Variants in PPARGC1B observed in about 807,000 individuals in gnomAD.
The protein encoded by PPARGC1B is peroxisome proliferator-activated receptor gamma coactivator 1-beta.
Under a neutral mutation model 101.6 loss-of-function variants are expected in PPARGC1B, and 34 were observed. That is an observed-to-expected ratio of 0.33 (90% CI 0.25 to 0.45). The LOEUF is 0.45. Among genes scored for constraint, PPARGC1B ranks in the 20% least tolerant of loss-of-function variants. PPARGC1B has a pLI of 1.00. For missense variants in PPARGC1B, 1,234 were observed against 1,317.6 expected, an observed-to-expected ratio of 0.94 and a Z score of 0.98; for synonymous variants, 548 against 539.3, an observed-to-expected ratio of 1.02 and a Z score of -0.22.
chr5:149,750,206 A>G (rs1159451805), intron 1 of PPARGC1B, among the ~76,000 whole-genome samples: 3 of 151,478 alleles, frequency 2.0e-5, no homozygotes, highest in Non-Finnish European at 1.5e-5. Flanking sequence ...CTGATTTCCA[A>G]CCTCCCCAGT....
At chr5:149,811,493 C>T (rs1757864528) in intron 1 of PPARGC1B, among the ~76,000 whole-genome samples, 1 of 152,186 alleles carries the variant, frequency 6.6e-6, no homozygotes, top group Non-Finnish European at 1.5e-5. Context: ...TGTAATTACA[C>T]TATCGAGTGG....
rs1758872658 is a variant in PPARGC1B at position 149,833,111 on chromosome 5, T to C, written c.1038T>C (p.Leu346=). The C allele has an allele frequency of 6.2e-7, 1 of 1,613,744 alleles. No individual in the cohort carries two copies. The highest frequency in any genetic ancestry group is 1.1e-5 in the South Asian group (1 of 91,092). The change falls in exon 5 of 12, where the codon CTT becomes CTC. Residue 346 remains leucine, a synonymous_variant. Coordinates refer to ENST00000309241, the MANE Select transcript of PPARGC1B (RefSeq NM_133263.4). The surrounding 1 kb of genome is among the most constrained non-coding windows in gnomAD (Gnocchi z 4.1). ...SWAEFSILRE[L]LAQDVLCDVS... ...CTGAGTTCTCCATTCTGAGGGAACT[T>C]CTGGCTCAAGACGTGCTCTGTGATG...
At position 149,854,223 on chromosome 5, in the gene PPARGC1B, G is replaced by A. The variant is rs991757950; in HGVS notation, c.*6665G>A. On this transcript the variant is annotated 3_prime_UTR_variant, in exon 12 of 12. Coordinates refer to ENST00000309241, the MANE Select transcript of PPARGC1B (RefSeq NM_133263.4). ...ACCAAGGAATGGCTAAACCTGTGAG[G>A]TTTTGTCATCCCCGGGGGTACTACT... The A allele has an allele frequency of 6.6e-6, 1 of 152,152 alleles. No individual in the cohort carries two copies. Among genetic ancestry groups the A allele is most frequent in the Non-Finnish European group, 1.5e-5 (1 of 68,044 alleles). The allele number at this position is 152,152 out of a possible 1,614,324, so 9.4% of individuals were successfully genotyped here. A position where few individuals can be genotyped will look rare whatever the true frequency, so the allele number is the denominator to read the frequency against.
At position 149,833,405 on chromosome 5, in the gene PPARGC1B, A is replaced by T; in HGVS notation, c.1332A>T (p.Glu444Asp). The T allele has an allele frequency of 1.2e-6, 2 of 1,605,986 alleles. No homozygotes were observed. The highest frequency in any genetic ancestry group is 1.7e-6 in the Non-Finnish European group (2 of 1,176,098). Reference sequence around the variant, plus strand: ...AAGAGGAGGAGGAAGAGGAAGAAGAAAAAGAGGAGGAGGAGGAGTGGGGCA... The same window carrying T: ...AAGAGGAGGAGGAAGAGGAAGAAGATAAAGAGGAGGAGGAGGAGTGGGGCA... Reference protein sequence around the residue: ...EEEEEEEEEEEKEEEEEWGRK... With the variant: ...EEEEEEEEEEDKEEEEEWGRK... Residue 444 changes from glutamate to aspartate, a missense_variant, in exon 5 of 12, where the codon GAA becomes GAT. Glu to Asp is a conservative substitution (Grantham distance 45). Around this residue, in one of 3 missense-constraint regions of PPARGC1B, gnomAD observed 734 missense variants for 768.4 expected, o/e 0.96. Coordinates refer to ENST00000309241, the MANE Select transcript of PPARGC1B (RefSeq NM_133263.4). The surrounding 1 kb of genome is among the most constrained non-coding windows in gnomAD (Gnocchi z 4.1).
At chr5:149,754,653 A>C (rs982262498) in intron 1 of PPARGC1B, among the ~76,000 whole-genome samples, 1 of 151,940 alleles carries the variant, frequency 6.6e-6, no homozygotes, top group African/African-American at 2.4e-5. Context: ...GGCCCAGAGG[A>C]GAATGGGCCT....
chr5:149,760,525 G>A (rs1004960711), intron 1 of PPARGC1B, among the ~76,000 whole-genome samples: 1 of 152,156 alleles, frequency 6.6e-6, no homozygotes, highest in African/African-American at 2.4e-5. Context: ...GAGAATAAAG[G>A]GACTTGAATG....
At chr5:149,806,176 G>A (rs992746808) in intron 1 of PPARGC1B, among the ~76,000 whole-genome samples, 3 of 152,188 alleles carry the variant, frequency 2.0e-5, no homozygotes, top group Non-Finnish European at 2.9e-5. Context: ...CCACCTGAGG[G>A]TCCCCTGTCT....
At chr5:149,731,230 G>T (rs1177815714) in intron 1 of PPARGC1B, among the ~76,000 whole-genome samples, 3 of 152,224 alleles carry the variant, frequency 2.0e-5, no homozygotes, top group South Asian at 4.1e-4. Flanking sequence ...GGGTGCTCTG[G>T]TGTGCCGGGG....
intron 1 of PPARGC1B, among the ~76,000 whole-genome samples, chr5:149,796,373 G>A (rs1242550416): frequency 6.6e-6 from 1 of 152,216 alleles, no homozygotes; most frequent in Non-Finnish European, 1.5e-5. Flanking sequence ...GGTCAGTGAG[G>A]CAGAAAGTGG....
At chr5:149,753,417 A>G (rs1226130439) in intron 1 of PPARGC1B, among the ~76,000 whole-genome samples, 1 of 152,090 alleles carries the variant, frequency 6.6e-6, no homozygotes, top group Non-Finnish European at 1.5e-5. Flanking sequence ...CATGTTGGCC[A>G]TGCTGGTCTC....
chr5:149,747,117 A>AT (rs1435028064), intron 1 of PPARGC1B, among the ~76,000 whole-genome samples: 1 of 151,920 alleles, frequency 6.6e-6, no homozygotes, highest in African/African-American at 2.4e-5. Flanking sequence ...TAATTTGTCT[A>AT]TTTTTTCTTT....
intron 1 of PPARGC1B, among the ~76,000 whole-genome samples, chr5:149,775,902 A>T (rs1370860723): frequency 6.6e-6 from 1 of 152,220 alleles, no homozygotes; most frequent in Non-Finnish European, 1.5e-5. Flanking sequence ...AAAGTAAATC[A>T]GATTGGATAG....
intron 1 of PPARGC1B, among the ~76,000 whole-genome samples, chr5:149,781,484 C>A (rs937428699): frequency 1.3e-5 from 2 of 152,238 alleles, no homozygotes; most frequent in Non-Finnish European, 2.9e-5. Context: ...GCCTCTCAGT[C>A]TTCTTGTCCA....
At chr5:149,845,689 T>C (rs1759522207) in intron 10 of PPARGC1B, 71 bp from the exon 11 acceptor site, 27 of 1,483,456 alleles carry the variant, frequency 1.8e-5, no homozygotes, top group Non-Finnish European at 2.4e-5. Flanking sequence ...GTTCCTCATC[T>C]AGTAATGGGT....
downstream of PPARGC1B, among the ~76,000 whole-genome samples, chr5:149,855,288 A>AC (rs1296630220): frequency 2.0e-5 from 3 of 152,160 alleles, no homozygotes; most frequent in Admixed American, 6.5e-5. Flanking sequence ...ACATAGTGAG[A>AC]CCCCCATCTC....
chr5:149,753,059 G>A (rs1195577608), intron 1 of PPARGC1B, among the ~76,000 whole-genome samples: 5 of 152,000 alleles, frequency 3.3e-5, no homozygotes, highest in Non-Finnish European at 5.9e-5. Flanking sequence ...TTGCACAAAT[G>A]GTAGCAAACT....
At chr5:149,760,761 A>T (rs1163042511) in intron 1 of PPARGC1B, among the ~76,000 whole-genome samples, 1 of 152,172 alleles carries the variant, frequency 6.6e-6, no homozygotes. Context: ...TTGAGAGAGG[A>T]GGAGAGGAGT....
intron 1 of PPARGC1B, among the ~76,000 whole-genome samples, chr5:149,731,537 C>A (rs1580987396): frequency 7.4e-6 from 1 of 135,386 alleles, no homozygotes; most frequent in East Asian, 2.5e-4. Context: ...GCGCGGCTCG[C>A]GGGGGCTGGT....
chr5:149,797,923 C>A (rs6865464), intron 1 of PPARGC1B, among the ~76,000 whole-genome samples: 26 of 147,696 alleles, frequency 1.8e-4, no homozygotes, highest in African/African-American at 6.1e-4. Context: ...CCATCCCCAC[C>A]CCCCGCCAAA....
Sources: allele counts gnomAD v4.1 joint callset (sites outside exome capture counted in the v4.1 genomes callset), GRCh38; gene constraint gnomAD v4.1.1; regional missense constraint gnomAD v4.1.1; non-coding constraint Gnocchi (gnomAD v3.1); transcripts MANE v1.5; gene names NCBI Gene and HGNC (gene_info 2026-07-23, HGNC 2026-07-21).